The following FBXO41 variants were observed in gnomAD, a reference collection of about 807,000 sequenced individuals.
FBXO41 encodes the protein F-box protein 41.
In FBXO41, 33 loss-of-function variants were observed where a neutral mutation model predicts 81.6. The observed-to-expected ratio is 0.40, with a 90% confidence interval of 0.31 to 0.54. The LOEUF (loss-of-function observed/expected upper bound fraction) is 0.54. Ranked by LOEUF, FBXO41 falls within the 20% of genes least tolerant of loss-of-function variation. FBXO41 has a pLI of 0.39. For synonymous variants in FBXO41, 576 were observed against 552.7 expected (o/e 1.04, Z -0.59); for missense variants, 1,107 against 1,236.0 (o/e 0.90, Z 1.56).
intron 1 of FBXO41, among the ~76,000 whole-genome samples, chr2:73,280,556 T>A (rs1688818497): frequency 6.6e-6 from 1 of 152,180 alleles, no homozygotes; most frequent in Non-Finnish European, 1.5e-5. Flanking sequence ...CCTACAAGAT[T>A]TTGCTCCATG....
At position 73,269,521 on chromosome 2, in the gene FBXO41, G is replaced by A. The variant is rs1463225356; in HGVS notation, c.110C>T (p.Thr37Met). The A allele has an allele frequency of 7.3e-7, 1 of 1,369,844 alleles. No homozygotes were observed. The highest frequency in any genetic ancestry group is 9.5e-7 in the Non-Finnish European group (1 of 1,052,328). The allele number at this position is 1,369,844 out of a possible 1,614,324, so 84.9% of individuals were successfully genotyped here. Residue 37 changes from threonine (T) to methionine (M), a missense_variant, in exon 2 of 13, where the codon ACG becomes ATG. Physicochemically the swap from Thr to Met is moderately conservative, Grantham distance 81. This residue lies in a region of FBXO41 where 771 missense variants were observed against 789.2 expected (regional missense o/e 0.98). Transcript: ENST00000520530. The surrounding 1 kb of genome is among the most constrained non-coding windows in gnomAD (Gnocchi z 7.0). Reference sequence around the variant, plus strand: ...GTTGGTCTTGGAGAGGATGTAGAGCGTCTCGTAGGTGTGGCTGTACTCCAG... The same window carrying A: ...GTTGGTCTTGGAGAGGATGTAGAGCATCTCGTAGGTGTGGCTGTACTCCAG... ...AHLEYSHTYE[T>M]LYILSKTNSI...
At chr2:73,278,036 G>A (rs1270023197) in intron 1 of FBXO41, among the ~76,000 whole-genome samples, 1 of 152,172 alleles carries the variant, frequency 6.6e-6, no homozygotes, top group Non-Finnish European at 1.5e-5. Context: ...TTGACCCAGG[G>A]TTGAGCACAT....
At chr2:73,265,257 C>G in intron 5 of FBXO41, 25 bp downstream of exon 5, 2 of 1,568,826 alleles carry the variant, frequency 1.3e-6, no homozygotes, top group Non-Finnish European at 1.7e-6. Context: ...ACCTGTGTCC[C>G]CCTGCCCAGC....
At chr2:73,283,740 C>T (rs1208180508) in intron 1 of FBXO41, among the ~76,000 whole-genome samples, 1 of 152,232 alleles carries the variant, frequency 6.6e-6, no homozygotes, top group African/African-American at 2.4e-5. Context: ...CACAGACACC[C>T]GCACAGGTGC....
chr2:73,267,484 G>A (rs1348498694), intron 2 of FBXO41, among the ~76,000 whole-genome samples: 2 of 152,168 alleles, frequency 1.3e-5, no homozygotes, highest in Admixed American at 6.5e-5. Flanking sequence ...ATGCATTCCC[G>A]GTTGTTTGTG....
At chr2:73,277,708 T>C (rs1257916641) in intron 1 of FBXO41, among the ~76,000 whole-genome samples, 1 of 152,112 alleles carries the variant, frequency 6.6e-6, no homozygotes, top group African/African-American at 2.4e-5. Context: ...AGACCAACCA[T>C]CTTAAGATGT....
rs1449840144 is a variant in FBXO41, at chr2:73,269,124, C to T, written c.507G>A (p.Ser169=). Residue 169 remains serine (S), a synonymous_variant, in exon 2 of 13, where the codon TCG becomes TCA. Coordinates refer to ENST00000520530, the MANE Select transcript of FBXO41 (RefSeq NM_001371389.2). The surrounding 1 kb of genome is among the most constrained non-coding windows in gnomAD (Gnocchi z 7.0). The part of the protein sequence containing the change: ...ARKSVASSAC[S]TPPPGPGPGP... ...CGGGGCCGGGGCCAGGCGGCGGCGT[C>T]GAGCACGCCGAGGACGCCACGGACT... 2 of 1,513,634 alleles carry T rather than the reference C, an allele frequency of 1.3e-6. No homozygotes were observed. The highest frequency in any genetic ancestry group is 2.1e-5 in the Admixed American group (1 of 47,480). 93.8% of individuals were successfully genotyped at this position (1,513,634 alleles called of 1,614,324 possible). A position where few individuals can be genotyped will look rare whatever the true frequency, so the allele number is the denominator to read the frequency against.
rs1432636624 is a variant in FBXO41 at position 73,269,474 on chromosome 2, C to T, written c.157G>A (p.Ala53Thr). ...KTNSICDGAA[A>T]AAAAAAAASG... ...GCAGCGGCGGCGGCGGCCGCGGCGG[C>T]GGCGGCGCCGTCGCAGATGCTGTTG... The change falls in exon 2 of 13, where the codon GCC becomes ACC. Residue 53 changes from alanine to threonine, a missense_variant. Coordinates refer to ENST00000520530, the MANE Select transcript of FBXO41 (RefSeq NM_001371389.2). The surrounding 1 kb of genome is among the most constrained non-coding windows in gnomAD (Gnocchi z 7.0). The T allele has an allele frequency of 7.8e-6, 10 of 1,277,292 alleles. No homozygotes were observed. Among genetic ancestry groups the T allele is most frequent in the East Asian group, 7.6e-5 (2 of 26,396 alleles). 79.1% of individuals were successfully genotyped at this position (1,277,292 alleles called of 1,614,324 possible). A position where few individuals can be genotyped will look rare whatever the true frequency, so the allele number is the denominator to read the frequency against.
At chr2:73,261,041 G>C (rs574383862) in intron 9 of FBXO41, among the ~76,000 whole-genome samples, 183 bp from the exon 10 acceptor site, 25 of 150,514 alleles carry the variant, frequency 1.7e-4, no homozygotes, top group African/African-American at 5.9e-4. Context: ...AAGTCCTGCA[G>C]ATTCTGATTC....
In FBXO41 at chr2:73,263,201, G is replaced by C; in HGVS notation, c.2171+12C>G. 1 of 1,551,638 alleles carries C rather than the reference G, an allele frequency of 6.4e-7. No individual in the cohort carries two copies. Among genetic ancestry groups the C allele is most frequent in the Non-Finnish European group, 8.7e-7 (1 of 1,146,818 alleles). On this transcript the variant is annotated intron_variant, in intron 9 of 12. Transcript: ENST00000520530. ...GTCCCCCCTCCTATCCCCCAAACCT[G>C]CCAGGGCTCACCAGGGGTGAAGTGG... is the stretch of plus-strand genomic sequence containing the variant.
At chr2:73,264,575 A>G in intron 5 of FBXO41, 56 bp from the exon 6 acceptor site, 1 of 1,602,796 alleles carries the variant, frequency 6.2e-7, no homozygotes, top group Non-Finnish European at 8.5e-7. Flanking sequence ...TGGTGTGGGG[A>G]TGTGTGTGGG....
At chr2:73,281,591 T>C (rs1447031994) in intron 1 of FBXO41, among the ~76,000 whole-genome samples, 1 of 152,234 alleles carries the variant, frequency 6.6e-6, no homozygotes, top group East Asian at 1.9e-4. Context: ...AGCTGCCACA[T>C]AAGAAACTTG....
chr2:73,263,094 T>G, intron 9 of FBXO41, 119 bp downstream of exon 9: 1 of 765,954 alleles, frequency 1.3e-6, no homozygotes, highest in South Asian at 1.8e-5. Context: ...ATGGACAGAT[T>G]AATGTGTGTG....
In FBXO41 at chr2:73,263,839, G is replaced by A; in HGVS notation, c.1923-9C>T. 6.2e-7 allele frequency: 1 copy of A among 1,614,024 alleles called. No individual in the cohort carries two copies. The highest frequency in any genetic ancestry group is 1.1e-5 in the South Asian group (1 of 91,074). On this transcript the variant is annotated splice_polypyrimidine_tract_variant and intron_variant, in intron 7 of 12. Coordinates refer to ENST00000520530, the MANE Select transcript of FBXO41 (RefSeq NM_001371389.2). Reference sequence around the variant, plus strand: ...CAGCTTCCAGGCAGCCCCTGGGGATGACCAAGAGGTCAGAGAGCTGGCAAC... The same window carrying A: ...CAGCTTCCAGGCAGCCCCTGGGGATAACCAAGAGGTCAGAGAGCTGGCAAC...
intron 1 of FBXO41, chr2:73,270,817 C>T (rs1345629425): frequency 9.4e-6 from 5 of 534,438 alleles, no homozygotes; most frequent in Non-Finnish European, 1.9e-5. Context: ...CCATCCCATT[C>T]CTCACTGCCA....
chr2:73,270,909 T>C (rs746279692), intron 1 of FBXO41: 5 of 534,578 alleles, frequency 9.4e-6, no homozygotes, highest in South Asian at 4.2e-5. Context: ...GACAAGCCAG[T>C]TGTCATCAAG....
chr2:73,261,257 C>T (rs1688013078), intron 9 of FBXO41, among the ~76,000 whole-genome samples: 1 of 152,166 alleles, frequency 6.6e-6, no homozygotes, highest in South Asian at 2.1e-4. Flanking sequence ...CAGGATTTTA[C>T]CATGTTGGCC....
At chr2:73,262,848 C>T (rs185070845) in intron 9 of FBXO41, among the ~76,000 whole-genome samples, 13 of 152,278 alleles carry the variant, frequency 8.5e-5, no homozygotes, top group South Asian at 4.1e-4. Flanking sequence ...CAGGTTCAAG[C>T]GATTCTCCTG....
chr2:73,264,500 A>G lies in FBXO41; in HGVS notation c.1584T>C (p.Ser528=). 3 of 1,613,694 alleles carry G rather than the reference A, an allele frequency of 1.9e-6. No individual in the cohort carries two copies. The highest frequency in any genetic ancestry group is 2.5e-6 in the Non-Finnish European group (3 of 1,179,860). The change falls in exon 6 of 13, where the codon AGT becomes AGC. Residue 528 remains serine, a synonymous_variant. Coordinates refer to ENST00000520530, the MANE Select transcript of FBXO41 (RefSeq NM_001371389.2). The part of the protein sequence containing the change: ...CRLSARPEGG[S]GRGRRAERVS... Reference sequence around the variant, plus strand: ...CCCTCTCTGCTCGCCGACCCCGCCCACTGCCTCCCTCGGGGCGGGCTGCAG... The same window carrying G: ...CCCTCTCTGCTCGCCGACCCCGCCCGCTGCCTCCCTCGGGGCGGGCTGCAG...
Sources: allele counts gnomAD v4.1 joint callset (sites outside exome capture counted in the v4.1 genomes callset), GRCh38; gene constraint gnomAD v4.1.1; regional missense constraint gnomAD v4.1.1; non-coding constraint Gnocchi (gnomAD v3.1); transcripts MANE v1.5; gene names NCBI Gene and HGNC (gene_info 2026-07-23, HGNC 2026-07-21).